The following LPCAT1 variants were observed in gnomAD, a reference collection of about 807,000 sequenced individuals.
LPCAT1 encodes 1-acylglycerol-3-phosphate O-acyltransferase.
LPCAT1 carries 23 observed loss-of-function variants against 60.9 expected under a neutral mutation model. That is an observed-to-expected ratio of 0.38 (90% CI 0.27 to 0.53). The LOEUF (loss-of-function observed/expected upper bound fraction) is 0.53, where lower values mean the gene tolerates loss of function less well. Among genes scored for constraint, LPCAT1 ranks in the 20% least tolerant of loss-of-function variants. The pLI, the probability that LPCAT1 is intolerant of heterozygous loss-of-function variation, is 0.82. For missense variants in LPCAT1, 622 were observed against 723.6 expected (o/e 0.86, Z 1.61); for synonymous variants, 340 against 301.1 (o/e 1.13, Z -1.34).
In LPCAT1 at chr5:1,523,663, C is replaced by T; in HGVS notation, c.135+47G>A. 9.4e-7 allele frequency: 1 copy of T among 1,063,546 alleles called. No homozygotes were observed. The highest frequency in any genetic ancestry group is 3.9e-5 in the South Asian group (1 of 25,750). The allele number at this position is 1,063,546 out of a possible 1,614,324, so 65.9% of individuals were successfully genotyped here. On this transcript the variant is annotated intron_variant, in intron 1 of 13. Coordinates refer to ENST00000283415, the MANE Select transcript of LPCAT1 (RefSeq NM_024830.5). This position sits in a 1 kb window ranked among gnomAD's most constrained non-coding sequence, Gnocchi z 7.1. The stretch of plus-strand genomic sequence containing the variant: ...GCCGCGCCTCCCTGGCCCCAGCATC[C>T]CTGGCGTCCGCGCCGGCTCCCGGGG...
chr5:1,513,242 A>G (rs1485181085), intron 1 of LPCAT1, among the ~76,000 whole-genome samples: 1 of 152,166 alleles, frequency 6.6e-6, no homozygotes, highest in Non-Finnish European at 1.5e-5. Context: ...CTCTGCACAA[A>G]TCCCCCTTCC....
At position 1,495,844 on chromosome 5, in the gene LPCAT1, A is replaced by G. The variant is rs987320413; in HGVS notation, c.279-930T>C. Among the ~76,000 whole-genome samples, 5 of 152,238 alleles carry G rather than the reference A, an allele frequency of 3.3e-5. No individual in the cohort carries two copies. The highest frequency in any genetic ancestry group is 9.6e-5 in the African/African-American group (4 of 41,466). Reference sequence around the variant, plus strand: ...CAGATGATCCTCCCAGAAGACTTCCAGGACAGGGGTCCCCATGGATCTGAG... The same window carrying G: ...CAGATGATCCTCCCAGAAGACTTCCGGGACAGGGGTCCCCATGGATCTGAG... On this transcript the variant is annotated intron_variant, in intron 2 of 13. Coordinates refer to ENST00000283415, the MANE Select transcript of LPCAT1 (RefSeq NM_024830.5). This position sits in a 1 kb window ranked among gnomAD's most constrained non-coding sequence, Gnocchi z 4.7.
At chr5:1,494,590 G>A (rs1735708346) in intron 3 of LPCAT1, 110 bp downstream of exon 3, 1 of 1,030,644 alleles carries the variant, frequency 9.7e-7, no homozygotes, top group East Asian at 2.6e-5. Context: ...CCAACAGAGG[G>A]GGGACCCTCA....
At chr5:1,504,714 CAA>C (rs11463524) in intron 1 of LPCAT1, among the ~76,000 whole-genome samples, 38 of 102,060 alleles carry the variant, frequency 3.7e-4, no homozygotes, top group African/African-American at 8.6e-4. Context: ...ATCTCCGTCC[CAA>C]AAAAAAAAAA....
At position 1,463,586 on chromosome 5, in the gene LPCAT1, C is replaced by T. The variant is rs1229167230; in HGVS notation, c.*65G>A. On this transcript the variant is annotated 3_prime_UTR_variant, in exon 14 of 14. Coordinates refer to ENST00000283415, the MANE Select transcript of LPCAT1 (RefSeq NM_024830.5). Reference sequence around the variant, plus strand: ...TGAGGAGCGGAGCCCAGAGGTCACTCGCAAAGAGGCTCATGGCGGTGATGT... The same window carrying T: ...TGAGGAGCGGAGCCCAGAGGTCACTTGCAAAGAGGCTCATGGCGGTGATGT... 129 of 1,567,042 alleles carry T rather than the reference C, an allele frequency of 8.2e-5. No individual in the cohort carries two copies. The highest frequency in any genetic ancestry group is 5.8e-4 in the South Asian group (50 of 86,244).
chr5:1,492,206 A>G (rs546243731), intron 3 of LPCAT1, among the ~76,000 whole-genome samples: 1 of 148,400 alleles, frequency 6.7e-6, no homozygotes, highest in Admixed American at 6.7e-5. Flanking sequence ...GGATGGGGGA[A>G]GATTATCTCT....
intron 11 of LPCAT1, among the ~76,000 whole-genome samples, chr5:1,473,733 G>A (rs1365012168): frequency 6.6e-6 from 1 of 152,194 alleles, no homozygotes; most frequent in Non-Finnish European, 1.5e-5. Context: ...CCAAACCACA[G>A]GCACATTCAT....
At chr5:1,464,694 G>A (rs1049163725) in intron 13 of LPCAT1, among the ~76,000 whole-genome samples, 3 of 128,084 alleles carry the variant, frequency 2.3e-5, no homozygotes, top group African/African-American at 9.7e-5. Context: ...AAACACATGC[G>A]TGCACACACA....
At position 1,477,136 on chromosome 5, in the gene LPCAT1, AGG is replaced by A. The variant is rs1380925448; in HGVS notation, c.899+266_899+267del. 6.6e-6 allele frequency among the ~76,000 whole-genome samples: 1 copy of A among 152,226 alleles called. No individual in the cohort carries two copies. Among genetic ancestry groups the A allele is most frequent in the Admixed American group, 6.5e-5 (1 of 15,288 alleles). ...GGCTCATTTAGGGCACAGGAAACAT[AGG>A]ACCTGGGGTGACCAACGGCTGCAGG... On this transcript the variant is annotated intron_variant, in intron 9 of 13. Transcript: ENST00000283415. This position sits in a 1 kb window ranked among gnomAD's most constrained non-coding sequence, Gnocchi z 6.0.
intron 1 of LPCAT1, among the ~76,000 whole-genome samples, chr5:1,518,482 A>G (rs1036947469): frequency 3.3e-5 from 5 of 152,192 alleles, no homozygotes; most frequent in African/African-American, 1.2e-4. Flanking sequence ...CTGGGACTGC[A>G]GGCACCTGCC....
rs1213073632 is a variant in LPCAT1, at chr5:1,522,339, G to C, written c.135+1371C>G. On this transcript the variant is annotated intron_variant, in intron 1 of 13. Transcript: ENST00000283415. This position sits in a 1 kb window ranked among gnomAD's most constrained non-coding sequence, Gnocchi z 6.8. The stretch of plus-strand genomic sequence containing the variant: ...GCGACCGTGTCCCAAGTCCTCCTTT[G>C]AGGGGCACAGCACACGGCAGCTGAC... Among the ~76,000 whole-genome samples, 1 of 152,194 alleles carries C rather than the reference G, an allele frequency of 6.6e-6. No homozygotes were observed.
chr5:1,513,309 G>A (rs965305882), intron 1 of LPCAT1, among the ~76,000 whole-genome samples: 4 of 152,108 alleles, frequency 2.6e-5, no homozygotes, highest in Non-Finnish European at 5.9e-5. Flanking sequence ...TACATATGAC[G>A]TCCCCCATGT....
chr5:1,474,603 C>G lies in LPCAT1; in HGVS notation c.982G>C (p.Asp328His), dbSNP rs574853919. ...CTGGCAAATTCTAAAAGGCAAGTGT[C>G]AGCGGGGAGACGGAGCTGTCCTTCC... ...LAEGQLRLPA[D>H]TCLLEFARLV... Residue 328 changes from aspartate to histidine, a missense_variant, in exon 10 of 14, where the codon GAC becomes CAC. Physicochemically the swap from Asp to His is moderately conservative, Grantham distance 81. Coordinates refer to ENST00000283415, the MANE Select transcript of LPCAT1 (RefSeq NM_024830.5). 5 of 1,614,070 alleles carry G rather than the reference C, an allele frequency of 3.1e-6. No homozygotes were observed. The Admixed American group carries it at 8.3e-5, about 27-fold the overall frequency.
In LPCAT1 at chr5:1,480,448, CG is replaced by C; in HGVS notation, c.761+493del. On this transcript the variant is annotated intron_variant, in intron 7 of 13. Coordinates refer to ENST00000283415, the MANE Select transcript of LPCAT1 (RefSeq NM_024830.5). This position sits in a 1 kb window ranked among gnomAD's most constrained non-coding sequence, Gnocchi z 6.4. Reference sequence around the variant, plus strand: ...GGAGGCCCTGACCAGCCTGTGGCCCCGGGCTTCTCCTCTGGGGCTCGTTCCC... The same window carrying C: ...GGAGGCCCTGACCAGCCTGTGGCCCCGGCTTCTCCTCTGGGGCTCGTTCCC... The C allele has an allele frequency of 1.2e-6, 1 of 850,934 alleles. No individual in the cohort carries two copies. The highest frequency in any genetic ancestry group is 1.4e-6 in the Non-Finnish European group (1 of 707,236). 52.7% of individuals were successfully genotyped at this position (850,934 alleles called of 1,614,324 possible).
Position 1,496,530 on chromosome 5 carries a change from C to T in LPCAT1, c.279-1616G>A, listed in dbSNP as rs190097842. 2.0e-5 allele frequency among the ~76,000 whole-genome samples: 3 copies of T among 151,888 alleles called. No individual in the cohort carries two copies. Among genetic ancestry groups the T allele is most frequent in the South Asian group, 2.1e-4 (1 of 4,774 alleles). Reference sequence around the variant, plus strand: ...AGCGAGGCTGCAGAGGAGGCTGCGGCGGGCACAGGAGCCAGTCTCGGGCAG... The same window carrying T: ...AGCGAGGCTGCAGAGGAGGCTGCGGTGGGCACAGGAGCCAGTCTCGGGCAG... On this transcript the variant is annotated intron_variant, in intron 2 of 13. Transcript: ENST00000283415. This position sits in a 1 kb window ranked among gnomAD's most constrained non-coding sequence, Gnocchi z 4.7.
At position 1,502,195 on chromosome 5, in the gene LPCAT1, C is replaced by A. The variant is rs1350592538; in HGVS notation, c.136-592G>T. 6.6e-6 allele frequency among the ~76,000 whole-genome samples: 1 copy of A among 152,148 alleles called. No homozygotes were observed. Among genetic ancestry groups the A allele is most frequent in the Non-Finnish European group, 1.5e-5 (1 of 68,008 alleles). On this transcript the variant is annotated intron_variant, in intron 1 of 13. Coordinates refer to ENST00000283415, the MANE Select transcript of LPCAT1 (RefSeq NM_024830.5). The surrounding 1 kb of genome is among the most constrained non-coding windows in gnomAD (Gnocchi z 5.5). ...AGCTTCCTCCTGCAAATTCAAGGGC[C>A]ACTCTGACGCACAGCACACAACCCC...
rs768659423 is a variant in LPCAT1, at chr5:1,466,776, G to C, written c.1393C>G (p.Gln465Glu). 8.1e-6 allele frequency: 13 copies of C among 1,612,180 alleles called. No homozygotes were observed. The highest frequency in any genetic ancestry group is 1.1e-5 in the Non-Finnish European group (13 of 1,178,884). ...AATGTGATCTTCCCCTTCTCCTCTT[G>C]GTCAATGGCTCGGAATAGGTCGGTC... ...TVTDLFRAID[Q>E]EEKGKITFAD... Residue 465 changes from glutamine (Q) to glutamate (E), a missense_variant, in exon 13 of 14, where the codon CAA becomes GAA. Gln to Glu is a conservative substitution (Grantham distance 29, BLOSUM62 2). Around this residue, in one of 3 missense-constraint regions of LPCAT1, gnomAD observed 288 missense variants for 283.6 expected, o/e 1.02. Coordinates refer to ENST00000283415, the MANE Select transcript of LPCAT1 (RefSeq NM_024830.5).
At chr5:1,470,999 G>C in intron 11 of LPCAT1, 75 bp from the exon 12 acceptor site, 1 of 1,202,734 alleles carries the variant, frequency 8.3e-7, no homozygotes. Flanking sequence ...TCCCATGGGT[G>C]CTGGTGTTAA....
intron 3 of LPCAT1, among the ~76,000 whole-genome samples, chr5:1,491,769 T>C (rs965385347): frequency 6.6e-6 from 1 of 152,208 alleles, no homozygotes; most frequent in Non-Finnish European, 1.5e-5. Flanking sequence ...TGTAAATGGA[T>C]GGTGCGGATA....
Sources: gnomAD v4.1 joint callset for allele counts (sites outside exome capture counted in the v4.1 genomes callset) on GRCh38, gnomAD v4.1.1 for gene constraint, gnomAD v4.1.1 regional missense constraint, Gnocchi (gnomAD v3.1) non-coding constraint, MANE v1.5 for transcripts, NCBI Gene and HGNC (gene_info 2026-07-23, HGNC 2026-07-21) for gene names.